KRT7: variants seen among roughly 807,000 people sequenced by gnomAD.
KRT7 encodes keratin 7.
KRT7 carries 50 observed loss-of-function variants against 42.8 expected under a neutral mutation model. The observed-to-expected ratio is 1.17, with a 90% CI of 0.93 to 1.48. The LOEUF (loss-of-function observed/expected upper bound fraction) is 1.48, where lower values mean the gene tolerates loss of function less well. KRT7 is among the 40% of genes most tolerant of loss of function. The pLI, the probability that KRT7 is intolerant of heterozygous loss-of-function variation, is 0.00. For missense variants in KRT7, 588 were observed against 637.6 expected, an observed-to-expected ratio of 0.92 and a Z score of 0.84; for synonymous variants, 268 against 266.3, an observed-to-expected ratio of 1.01 and a Z score of -0.06.
chr12:52,233,644 C>T (rs752934364), intron 1 of KRT7, 24 bp downstream of exon 1: 3 of 1,609,428 alleles, frequency 1.9e-6, no homozygotes, highest in Admixed American at 1.7e-5. Context: ...GACCTCGCCT[C>T]TCCTCGAGCC....
chr12:52,255,247 C>A, downstream of KRT7: 2 of 434,220 alleles, frequency 4.6e-6, no homozygotes, highest in South Asian at 3.3e-5. Flanking sequence ...TACAGAGAGC[C>A]TGATGTTAGT....
intron 7 of KRT7, 104 bp from the exon 8 acceptor site, chr12:52,248,072 GA>G: frequency 1.8e-6 from 2 of 1,131,532 alleles, no homozygotes; most frequent in Non-Finnish European, 2.6e-6. Flanking sequence ...GGGCAAGAAG[GA>G]AAAATCAATG....
downstream of KRT7, chr12:52,254,361 C>T: frequency 1.3e-6 from 1 of 796,636 alleles, no homozygotes; most frequent in Non-Finnish European, 2.2e-6. Context: ...GCACAGTCCA[C>T]ATCCTAAAGG....
chr12:52,252,381 T>A (rs767483362), downstream of KRT7: 1 of 1,614,152 alleles, frequency 6.2e-7, no homozygotes, highest in African/African-American at 1.3e-5. Context: ...CTTGGCCTTC[T>A]GCAGGGCACC....
intron 3 of KRT7, among the ~76,000 whole-genome samples, chr12:52,238,055 A>G (rs912702880): frequency 6.6e-5 from 10 of 152,192 alleles, no homozygotes; most frequent in Non-Finnish European, 1.0e-4. Flanking sequence ...TACACTGAGC[A>G]GTTGGTGTTC....
At chr12:52,243,944 C>T (rs764009093) in intron 6 of KRT7, among the ~76,000 whole-genome samples, 20 of 152,226 alleles carry the variant, frequency 1.3e-4, no homozygotes, top group Admixed American at 5.9e-4. Context: ...GGCAGGGGCA[C>T]GGGTCTCAGA....
chr12:52,253,750 G>A, downstream of KRT7: 1 of 1,000,278 alleles, frequency 1.0e-6, no homozygotes, highest in South Asian at 1.2e-5. Context: ...ATGTGCGACT[G>A]GAGAACGCGG....
At chr12:52,247,792 T>G in intron 7 of KRT7, 1 of 243,804 alleles carries the variant, frequency 4.1e-6, no homozygotes, top group Non-Finnish European at 8.1e-6. Context: ...TATGATACGG[T>G]GAGGAAAGGC....
Position 52,241,567 on chromosome 12 carries a change from G to A in KRT7, c.789G>A (p.Glu263=). 6.2e-7 allele frequency: 1 copy of A among 1,614,088 alleles called. No individual in the cohort carries two copies. Among genetic ancestry groups the A allele is most frequent in the Non-Finnish European group, 8.5e-7 (1 of 1,179,948 alleles). ...RSLDLDGIIA[E]VKAQYEEMAK... The stretch of plus-strand genomic sequence containing the variant: ...TGGACCTGGACGGCATCATCGCTGA[G>A]GTCAAGGCGCAGTATGAGGAGATGG... The change falls in exon 5 of 9, where the codon GAG becomes GAA. Residue 263 remains glutamate, a synonymous_variant. Transcript: ENST00000331817.
At chr12:52,252,193 G>C (rs1056430699), downstream of KRT7, 16 of 1,553,260 alleles carry the variant, frequency 1.0e-5, no homozygotes, top group Non-Finnish European at 1.3e-5. Context: ...ATGCTCCTGG[G>C]TGTTGAAGCA....
At chr12:52,238,449 G>C (rs1942039562) in intron 3 of KRT7, among the ~76,000 whole-genome samples, 1 of 152,162 alleles carries the variant, frequency 6.6e-6, no homozygotes, top group African/African-American at 2.4e-5. Context: ...TGCTAGGTTG[G>C]GGCTTCAGTT....
At chr12:52,253,271 T>C (rs752988065), downstream of KRT7, 8 of 1,612,220 alleles carry the variant, frequency 5.0e-6, no homozygotes, top group Non-Finnish European at 6.8e-6. Context: ...GTTCAGCTCG[T>C]TGATCTCCTC....
Position 52,235,181 on chromosome 12 carries a change from G to C in KRT7, c.351G>C (p.Lys117Asn). 1 of 1,614,156 alleles carries C rather than the reference G, an allele frequency of 6.2e-7. No individual in the cohort carries two copies. The highest frequency in any genetic ancestry group is 8.5e-7 in the Non-Finnish European group (1 of 1,179,998). The stretch of plus-strand genomic sequence containing the variant: ...TGCGGTTTCTGGAGCAGCAGAACAA[G>C]CTGCTGGAGACCAAGTGGACGCTGC... ...DKVRFLEQQN[K>N]LLETKWTLLQ... The change falls in exon 2 of 9, where the codon AAG becomes AAC. Residue 117 changes from lysine to asparagine, a missense_variant. Transcript: ENST00000331817.
chr12:52,241,329 G>A (rs1194976257), intron 4 of KRT7, 143 bp from the exon 5 acceptor site: 3 of 645,760 alleles, frequency 4.6e-6, no homozygotes, highest in Non-Finnish European at 7.9e-6. Flanking sequence ...AATGTGTGCT[G>A]GGTCTGGGCC....
intron 4 of KRT7, among the ~76,000 whole-genome samples, chr12:52,241,259 C>T (rs1193260159): frequency 6.6e-6 from 1 of 152,160 alleles, no homozygotes; most frequent in Non-Finnish European, 1.5e-5. Context: ...GCCAGATTCT[C>T]GTTTGAGACA....
chr12:52,235,836 T>C (rs560666370), intron 2 of KRT7, among the ~76,000 whole-genome samples: 14 of 152,242 alleles, frequency 9.2e-5, no homozygotes, highest in Admixed American at 3.3e-4. Context: ...GACTTGAATT[T>C]TAGGTCCCTG....
chr12:52,253,270 G>C, downstream of KRT7: 3 of 1,612,146 alleles, frequency 1.9e-6, no homozygotes, highest in Non-Finnish European at 1.7e-6. Context: ...GGTTCAGCTC[G>C]TTGATCTCCT....
Position 52,243,270 on chromosome 12 carries a change from T to C in KRT7, c.984+133T>C, listed in dbSNP as rs1017560151. The stretch of plus-strand genomic sequence containing the variant: ...CTGGTGCCACTGTCTCAGACCCCCT[T>C]GTGAGATCTCCAGCACAGAATGTTC... On this transcript the variant is annotated intron_variant, in intron 6 of 8. Coordinates refer to ENST00000331817, the MANE Select transcript of KRT7 (RefSeq NM_005556.4). 2.9e-6 allele frequency: 3 copies of C among 1,043,232 alleles called. No homozygotes were observed. In the African/African-American group the frequency reaches 4.9e-5, roughly 17 times the overall value. 64.6% of individuals were successfully genotyped at this position (1,043,232 alleles called of 1,614,324 possible).
At chr12:52,236,840 C>T (rs1942018480) in intron 2 of KRT7, among the ~76,000 whole-genome samples, 1 of 152,162 alleles carries the variant, frequency 6.6e-6, no homozygotes, top group Non-Finnish European at 1.5e-5. Flanking sequence ...GGAGTGGCTC[C>T]TTGGGAGGAA....
Sources: allele counts gnomAD v4.1 joint callset (sites outside exome capture counted in the v4.1 genomes callset), GRCh38; gene constraint gnomAD v4.1.1; transcripts MANE v1.5; gene names NCBI Gene and HGNC (gene_info 2026-07-23, HGNC 2026-07-21).